The following LRFN5 variants were observed in gnomAD, a reference collection of about 807,000 sequenced individuals.
The protein encoded by LRFN5 is leucine rich repeat and fibronectin type III domain containing 5.
Under a neutral mutation model 45.6 loss-of-function variants are expected in LRFN5, and 24 were observed. The observed-to-expected ratio is 0.53, with a 90% confidence interval of 0.38 to 0.74. The LOEUF is 0.74. Ranked by LOEUF, LRFN5 falls within the 30% of genes least tolerant of loss-of-function variation. The pLI is 0.00. For missense variants in LRFN5, 776 were observed against 861.5 expected (o/e 0.90, Z 1.24); for synonymous variants, 340 against 313.8 (o/e 1.08, Z -0.88).
chr14:41,633,151 AATACAGC>A (rs3032225), intron 1 of LRFN5, among the ~76,000 whole-genome samples: 3,230 of 152,212 alleles, frequency 0.021, 106 homozygotes, highest in African/African-American at 0.073. Flanking sequence ...CCTGTCACAA[AATACAGC>A]ATAATAAATG....
At chr14:41,699,087 AT>A (rs967116162) in intron 1 of LRFN5, among the ~76,000 whole-genome samples, 1 of 151,994 alleles carries the variant, frequency 6.6e-6, no homozygotes, top group Admixed American at 6.6e-5. Flanking sequence ...GACTTGTAGA[AT>A]TTTTTTTCAT....
intron 1 of LRFN5, among the ~76,000 whole-genome samples, chr14:41,763,062 G>A (rs978130646): frequency 6.6e-6 from 1 of 152,176 alleles, no homozygotes; most frequent in Non-Finnish European, 1.5e-5. Flanking sequence ...GTGTCTTCAA[G>A]TATTTCAAGG....
At chr14:41,635,200 TAAG>T (rs1391639228) in intron 1 of LRFN5, among the ~76,000 whole-genome samples, 2 of 152,254 alleles carry the variant, frequency 1.3e-5, no homozygotes, top group East Asian at 3.9e-4. Context: ...TGTATTTTGT[TAAG>T]AAACCATGCT....
intron 2 of LRFN5, among the ~76,000 whole-genome samples, chr14:41,783,693 C>T (rs571221416): frequency 1.3e-5 from 2 of 149,146 alleles, no homozygotes; most frequent in African/African-American, 5.0e-5. Flanking sequence ...CTTGCCCATG[C>T]CTTAAAAAAA....
intron 2 of LRFN5, among the ~76,000 whole-genome samples, chr14:41,871,615 A>G (rs1890022737): frequency 6.6e-6 from 1 of 152,082 alleles, no homozygotes; most frequent in South Asian, 2.1e-4. Context: ...AAATTTATAC[A>G]ATAGGATGCT....
intron 2 of LRFN5, among the ~76,000 whole-genome samples, chr14:41,774,507 A>G (rs1022964559): frequency 7.9e-4 from 120 of 152,316 alleles, no homozygotes; most frequent in Admixed American, 2.8e-3. Flanking sequence ...TGTATTGATT[A>G]TAAATGCTAA....
chr14:41,662,358 G>A (rs1044977823), intron 1 of LRFN5, among the ~76,000 whole-genome samples: 1 of 151,856 alleles, frequency 6.6e-6, no homozygotes, highest in Non-Finnish European at 1.5e-5. Flanking sequence ...TAGAATCTCT[G>A]GGGTATGTGA....
rs368490791 is a variant in LRFN5, at chr14:41,795,312, A to C, written c.-21+28283A>C. 7.6e-4 allele frequency among the ~76,000 whole-genome samples: 116 copies of C among 152,088 alleles called. 2 individuals carry two copies. The highest frequency in any genetic ancestry group is 3.4e-3 in the Middle Eastern group (1 of 294). ...GAGAGGATGTGGAGAAATAGGAACA[A>C]TTTTACACTGTTGGTGGGACTGTAA... On this transcript the variant is annotated intron_variant, in intron 2 of 5. Coordinates refer to ENST00000298119, the MANE Select transcript of LRFN5 (RefSeq NM_152447.5).
At chr14:41,765,167 C>G (rs1885827774) in intron 1 of LRFN5, among the ~76,000 whole-genome samples, 1 of 151,888 alleles carries the variant, frequency 6.6e-6, no homozygotes, top group South Asian at 2.1e-4. Flanking sequence ...CAGTGAAACC[C>G]CGTCTCTACT....
chr14:41,820,205 AG>A (rs1888066445), intron 2 of LRFN5, among the ~76,000 whole-genome samples: 1 of 106,168 alleles, frequency 9.4e-6, no homozygotes, highest in Non-Finnish European at 2.0e-5. Context: ...CAAATCCCAG[AG>A]TTTTTTTTCT....
At chr14:41,638,828 A>T (rs1353516767) in intron 1 of LRFN5, among the ~76,000 whole-genome samples, 1 of 152,102 alleles carries the variant, frequency 6.6e-6, no homozygotes, top group African/African-American at 2.4e-5. Flanking sequence ...TAACATCATT[A>T]AATATTTTAA....
At chr14:41,656,993 G>A (rs541160655) in intron 1 of LRFN5, among the ~76,000 whole-genome samples, 77 of 151,748 alleles carry the variant, frequency 5.1e-4, no homozygotes, top group African/African-American at 1.8e-3. Flanking sequence ...ATCCTCAATC[G>A]TTATGTTTCT....
intron 2 of LRFN5, among the ~76,000 whole-genome samples, chr14:41,783,837 T>C (rs1443003359): frequency 6.6e-6 from 1 of 152,174 alleles, no homozygotes; most frequent in Admixed American, 6.5e-5. Flanking sequence ...AGTTTCATAA[T>C]GGTGATTTTT....
At chr14:41,869,157 T>C (rs982985652) in intron 2 of LRFN5, among the ~76,000 whole-genome samples, 4 of 152,192 alleles carry the variant, frequency 2.6e-5, no homozygotes, top group African/African-American at 9.6e-5. Flanking sequence ...TTTCTTGTTC[T>C]CTCCAATTTA....
chr14:41,873,464 C>A (rs545558524), intron 2 of LRFN5, among the ~76,000 whole-genome samples: 1 of 150,592 alleles, frequency 6.6e-6, no homozygotes, highest in African/African-American at 2.4e-5. Context: ...AGAGACATTG[C>A]GTTCAGTGAT....
chr14:41,737,493 T>C (rs1327222077), intron 1 of LRFN5, among the ~76,000 whole-genome samples: 1 of 152,118 alleles, frequency 6.6e-6, no homozygotes, highest in African/African-American at 2.4e-5. Flanking sequence ...TATTGGAAGT[T>C]CGGAGCAGGG....
chr14:41,731,928 T>C (rs1253793657), intron 1 of LRFN5: 2 of 152,118 alleles, frequency 1.3e-5, no homozygotes, highest in African/African-American at 2.4e-5. Flanking sequence ...TTTTTTAAAG[T>C]ATATGTTTTA....
intron 1 of LRFN5, among the ~76,000 whole-genome samples, chr14:41,673,366 G>C (rs1296937893): frequency 7.0e-6 from 1 of 143,394 alleles, no homozygotes; most frequent in South Asian, 2.3e-4. Flanking sequence ...CCTCCCTCCC[G>C]GACGGGGCGG....
chr14:41,897,588 C>G (rs982436402), intron 4 of LRFN5, among the ~76,000 whole-genome samples: 2 of 152,032 alleles, frequency 1.3e-5, no homozygotes, highest in Non-Finnish European at 2.9e-5. Context: ...ATTTTAATTA[C>G]TATGAAAACA....
Sources: gnomAD v4.1 joint callset for allele counts (sites outside exome capture counted in the v4.1 genomes callset) on GRCh38, gnomAD v4.1.1 for gene constraint, MANE v1.5 for transcripts, NCBI Gene and HGNC (gene_info 2026-07-23, HGNC 2026-07-21) for gene names.